Variants in NAALADL2 observed in about 807,000 individuals in gnomAD.
The protein encoded by NAALADL2 is inactive N-acetylated-alpha-linked acidic dipeptidase-like protein 2.
In NAALADL2, 76 loss-of-function variants were observed where a neutral mutation model predicts 87.2. That is an observed-to-expected ratio of 0.87 (90% CI 0.72 to 1.05). The LOEUF (loss-of-function observed/expected upper bound fraction) is 1.05, where lower values mean the gene tolerates loss of function less well. Among genes scored for constraint, NAALADL2 ranks in the 50% least tolerant of loss-of-function variants. The pLI, the probability that NAALADL2 is intolerant of heterozygous loss-of-function variation, is 0.00. For missense variants in NAALADL2, 1,089 were observed against 945.8 expected (o/e 1.15, Z -1.99); for synonymous variants, 354 against 331.0 (o/e 1.07, Z -0.75).
chr3:175,058,274 T>A (rs1315757305), intron 1 of NAALADL2, among the ~76,000 whole-genome samples: 4 of 152,222 alleles, frequency 2.6e-5, no homozygotes, highest in Non-Finnish European at 5.9e-5. Context: ...TAGCTGTCAA[T>A]CAATTCTAGT....
intron 2 of NAALADL2, among the ~76,000 whole-genome samples, chr3:175,177,268 C>T (rs1487075798): frequency 6.6e-6 from 1 of 152,102 alleles, no homozygotes; most frequent in Non-Finnish European, 1.5e-5. Context: ...TCTGTGATAT[C>T]TGTGCTTGTA....
chr3:174,796,355 C>T (rs911344623), intron 3 of NAALADL2, among the ~76,000 whole-genome samples: 2 of 152,130 alleles, frequency 1.3e-5, no homozygotes, highest in Admixed American at 6.5e-5. Flanking sequence ...AGTAATTTCT[C>T]ATCATACCAC....
chr3:174,863,010 C>T (rs1396964572), intron 1 of NAALADL2, among the ~76,000 whole-genome samples: 10 of 152,090 alleles, frequency 6.6e-5, no homozygotes, highest in Non-Finnish European at 5.9e-5. Context: ...CAGGAGATAA[C>T]TCTTCAACCC....
chr3:174,470,734 C>T (rs1716846821), intron 1 of NAALADL2, among the ~76,000 whole-genome samples: 1 of 152,036 alleles, frequency 6.6e-6, no homozygotes. Flanking sequence ...GTATCCTTTT[C>T]CTATTGTTTA....
chr3:175,734,010 C>G (rs2150072731), intron 11 of NAALADL2, among the ~76,000 whole-genome samples: 1 of 152,266 alleles, frequency 6.6e-6, no homozygotes, highest in Admixed American at 6.5e-5. Flanking sequence ...GCTGCTTTTA[C>G]CGGCTGGTGT....
chr3:175,745,697 T>A (rs137925368), intron 12 of NAALADL2, among the ~76,000 whole-genome samples: 2 of 152,272 alleles, frequency 1.3e-5, no homozygotes. Context: ...GCATTTAGAA[T>A]GCAATGGTAC....
At chr3:174,545,040 T>A (rs1318442892) in intron 1 of NAALADL2, among the ~76,000 whole-genome samples, 1 of 152,078 alleles carries the variant, frequency 6.6e-6, no homozygotes, top group Non-Finnish European at 1.5e-5. Flanking sequence ...CATGCCTGAC[T>A]AATTTTTAAA....
intron 5 of NAALADL2, among the ~76,000 whole-genome samples, chr3:175,356,566 C>A (rs1490745176): frequency 1.1e-5 from 1 of 94,516 alleles, no homozygotes; most frequent in Non-Finnish European, 2.3e-5. Flanking sequence ...CAGAGCAAGA[C>A]CCTGTGTCAA....
chr3:175,731,387 T>C (rs111567114), intron 11 of NAALADL2, among the ~76,000 whole-genome samples: 1 of 152,356 alleles, frequency 6.6e-6, no homozygotes, highest in Non-Finnish European at 1.5e-5. Flanking sequence ...CCATTACTGT[T>C]AACTGTTCTC....
Position 175,097,193 on chromosome 3 carries a change from T to A in NAALADL2, c.447T>A (p.Asn149Lys), listed in dbSNP as rs1721309596. 1 of 1,613,462 alleles carries A rather than the reference T, an allele frequency of 6.2e-7. No individual in the cohort carries two copies. The highest frequency in any genetic ancestry group is 8.5e-7 in the Non-Finnish European group (1 of 1,179,558). ...GILIGYYVHT[N>K]CPSDAPSSGT... ...TGATAGGTTATTATGTACATACAAA[T>A]TGCCCTTCAGATGCTCCATCTTCAG... is the stretch of plus-strand genomic sequence containing the variant. Residue 149 changes from asparagine to lysine, a missense_variant, in exon 2 of 14, where the codon AAT becomes AAA. Physicochemically the swap from Asn to Lys is moderately conservative, Grantham distance 94 (BLOSUM62 0). Coordinates refer to ENST00000454872, the MANE Select transcript of NAALADL2 (RefSeq NM_207015.3).
intron 5 of NAALADL2, among the ~76,000 whole-genome samples, chr3:175,391,398 C>T (rs1169735713): frequency 6.6e-6 from 1 of 152,174 alleles, no homozygotes; most frequent in African/African-American, 2.4e-5. Context: ...CTTCTGTGGG[C>T]CCTCCCTTGA....
intron 9 of NAALADL2, among the ~76,000 whole-genome samples, chr3:175,503,194 C>T (rs1209409917): frequency 6.6e-6 from 1 of 152,096 alleles, no homozygotes; most frequent in Admixed American, 6.6e-5. Context: ...TTAGTTTTCT[C>T]CTGCATTAAT....
chr3:175,550,838 G>A (rs1714218020), intron 9 of NAALADL2, among the ~76,000 whole-genome samples: 1 of 152,090 alleles, frequency 6.6e-6, no homozygotes, highest in African/African-American at 2.4e-5. Context: ...ACTGTTTGAG[G>A]GAAAACTCAC....
intron 1 of NAALADL2, among the ~76,000 whole-genome samples, chr3:174,878,911 C>T (rs772720961): frequency 1.4e-4 from 22 of 152,052 alleles, no homozygotes; most frequent in Non-Finnish European, 2.5e-4. Flanking sequence ...AATATGCCGA[C>T]GCCATGCAGG....
chr3:175,022,933 C>T (rs186662604), intron 1 of NAALADL2, among the ~76,000 whole-genome samples: 55 of 152,178 alleles, frequency 3.6e-4, no homozygotes, highest in South Asian at 1.2e-3. Flanking sequence ...CTCCCTGCTC[C>T]GGAAGAGCCC....
At chr3:175,478,560 T>C (rs1726034276) in intron 9 of NAALADL2, among the ~76,000 whole-genome samples, 1 of 151,934 alleles carries the variant, frequency 6.6e-6, no homozygotes, top group Non-Finnish European at 1.5e-5. Context: ...GATTTATATA[T>C]TAGGACTATG....
At chr3:175,751,680 A>G (rs1746641701) in intron 12 of NAALADL2, among the ~76,000 whole-genome samples, 1 of 152,072 alleles carries the variant, frequency 6.6e-6, no homozygotes. Context: ...CCATGTGTAT[A>G]ATTTAAAAAA....
chr3:175,289,370 A>G (rs1755371885), intron 4 of NAALADL2, among the ~76,000 whole-genome samples: 1 of 152,100 alleles, frequency 6.6e-6, no homozygotes, highest in Admixed American at 6.5e-5. Flanking sequence ...ACAATAATAG[A>G]TGTCAATGGA....
intron 2 of NAALADL2, among the ~76,000 whole-genome samples, chr3:175,179,767 A>G (rs1736197538): frequency 6.6e-6 from 1 of 151,956 alleles, no homozygotes; most frequent in Admixed American, 6.6e-5. Flanking sequence ...TTTTATATTT[A>G]TCATGTTTTA....
Sources: allele counts gnomAD v4.1 joint callset (sites outside exome capture counted in the v4.1 genomes callset), GRCh38; gene constraint gnomAD v4.1.1; transcripts MANE v1.5; gene names NCBI Gene and HGNC (gene_info 2026-07-23, HGNC 2026-07-21).